Variants in SLC5A11 observed in about 807,000 individuals in gnomAD.
The protein encoded by SLC5A11 is solute carrier family 5 member 11.
SLC5A11 carries 48 observed loss-of-function variants against 69.8 expected under a neutral mutation model. The observed-to-expected ratio is 0.69, with a 90% confidence interval of 0.55 to 0.87. The LOEUF is 0.87. Among genes scored for constraint, SLC5A11 ranks in the 40% least tolerant of loss-of-function variants. SLC5A11 has a pLI of 0.00. For missense variants in SLC5A11, 784 were observed against 866.1 expected, an observed-to-expected ratio of 0.91 and a Z score of 1.19; for synonymous variants, 319 against 342.4, an observed-to-expected ratio of 0.93 and a Z score of 0.75.
chr16:24,850,856 G>A (rs1163003556), intron 1 of SLC5A11, among the ~76,000 whole-genome samples: 1 of 151,674 alleles, frequency 6.6e-6, no homozygotes, highest in Non-Finnish European at 1.5e-5. Flanking sequence ...TGTCACCCAG[G>A]CTAGAGTGCA....
At chr16:24,902,546 CTTTT>C (rs35191056) in intron 10 of SLC5A11, among the ~76,000 whole-genome samples, 8 of 130,238 alleles carry the variant, frequency 6.1e-5, no homozygotes, top group Non-Finnish European at 9.6e-5. Flanking sequence ...CCAATCAAGT[CTTTT>C]TTTTTTTTTT....
intron 7 of SLC5A11, among the ~76,000 whole-genome samples, chr16:24,883,388 T>C (rs1402934319): frequency 6.6e-6 from 1 of 151,898 alleles, no homozygotes; most frequent in East Asian, 1.9e-4. Context: ...AAATAAATAA[T>C]AAATAACTAA....
At chr16:24,900,651 G>A (rs982381452) in intron 10 of SLC5A11, among the ~76,000 whole-genome samples, 7 of 152,096 alleles carry the variant, frequency 4.6e-5, no homozygotes, top group African/African-American at 7.2e-5. Context: ...AGTGGCTCAC[G>A]CCTGTAATCC....
intron 6 of SLC5A11, 113 bp downstream of exon 7, chr16:24,875,844 G>A (rs1329442797): frequency 1.2e-6 from 1 of 844,772 alleles, no homozygotes. Flanking sequence ...TCTTTCATAG[G>A]CTGCAGGGAG....
intron 3 of SLC5A11, 62 bp downstream of exon 4, chr16:24,862,734 G>A: frequency 6.8e-7 from 1 of 1,476,920 alleles, no homozygotes; most frequent in Non-Finnish European, 9.4e-7. Context: ...CTGGGATTCT[G>A]TCCAGCCTTT....
intron 1 of SLC5A11, among the ~76,000 whole-genome samples, chr16:24,847,767 T>A (rs1384670813): frequency 1.3e-5 from 2 of 152,208 alleles, no homozygotes; most frequent in Non-Finnish European, 2.9e-5. Flanking sequence ...TGCTGTCCCT[T>A]TTTTGGGCGG....
chr16:24,887,003 G>A (rs1287223593), intron 8 of SLC5A11, among the ~76,000 whole-genome samples: 1 of 152,042 alleles, frequency 6.6e-6, no homozygotes, highest in Non-Finnish European at 1.5e-5. Context: ...AAAATGTAGT[G>A]AGCTAAAAAT....
At chr16:24,884,089 A>T (rs781601769) in exon 8 of SLC5A11, 1 of 1,614,078 alleles carries the variant, frequency 6.2e-7, no homozygotes, top group Admixed American at 1.7e-5. Context: ...TGCCCTGCAG[A>T]CGCTGATCAT....
Position 24,868,564 on chromosome 16 carries a change from A to T in SLC5A11, c.208-1337A>T, listed in dbSNP as rs2047067067. ...CGGTGAGCTGAGATCACACCACTGC[A>T]CTCCAGCCTGGGAGACAGCAAGACT... On this transcript the variant is annotated intron_variant, in intron 3 of 15. Transcript: ENST00000347898. Among the ~76,000 whole-genome samples the T allele has an allele frequency of 2.7e-5, 4 of 147,368 alleles. No homozygotes were observed. The South Asian group carries it at 8.9e-4, about 33-fold the overall frequency.
intron 2 of SLC5A11, 27 bp downstream of exon 3, chr16:24,858,805 G>GA: frequency 1.3e-6 from 2 of 1,599,810 alleles, no homozygotes; most frequent in Non-Finnish European, 1.7e-6. Context: ...GGGGATGGGG[G>GA]ATGAAGAGAG....
At chr16:24,861,826 T>G in intron 2 of SLC5A11, among the ~76,000 whole-genome samples, 1 of 123,376 alleles carries the variant, frequency 8.1e-6, no homozygotes, top group African/African-American at 3.9e-5. Context: ...AAGAAAAAAT[T>G]AATCACCAAT....
At chr16:24,853,836 G>A (rs1456831883) in intron 1 of SLC5A11, among the ~76,000 whole-genome samples, 1 of 152,196 alleles carries the variant, frequency 6.6e-6, no homozygotes, top group Non-Finnish European at 1.5e-5. Flanking sequence ...CAAGTGTTAG[G>A]GCCGATTCTC....
chr16:24,849,593 A>AATATATATAT (rs1555515955), intron 1 of SLC5A11, among the ~76,000 whole-genome samples: 79 of 35,850 alleles, frequency 2.2e-3, no homozygotes, highest in East Asian at 2.8e-3. Flanking sequence ...AAAAAAAAAA[A>AATATATATAT]ATATATATAT....
intron 2 of SLC5A11, 138 bp from the exon 4 acceptor site, chr16:24,862,463 G>A (rs1031454176): frequency 7.0e-6 from 4 of 568,382 alleles, no homozygotes; most frequent in Non-Finnish European, 1.2e-5. Flanking sequence ...CAAAACTCTG[G>A]GAGAAACAAA....
In SLC5A11 at chr16:24,890,876, C is replaced by T. The variant is rs553064506; in HGVS notation, c.672C>T (p.Ala224=). The T allele has an allele frequency of 1.3e-5, 21 of 1,614,014 alleles. No homozygotes were observed. The East Asian group carries it at 2.5e-4, about 19-fold the overall frequency. Residue 224 remains alanine (A), a synonymous_variant, in exon 9 of 16, where the codon GCC becomes GCT. Coordinates refer to ENST00000347898, the Ensembl canonical transcript of SLC5A11. The stretch of plus-strand genomic sequence containing the variant: ...GCTTCCTCTGAATTCTAGGTTTCGC[C>T]GCGGTTGGTGGGATGGAAGGACTGA...
At position 24,851,031 on chromosome 16, in the gene SLC5A11, G is replaced by A. The variant is rs190924296; in HGVS notation, c.-25+4593G>A. Reference sequence around the variant, plus strand: ...TCATCACGTTGGCCAGGCTGGTCTCGAACTCTGGACCTCAAGCAATCCACC... The same window carrying A: ...TCATCACGTTGGCCAGGCTGGTCTCAAACTCTGGACCTCAAGCAATCCACC... On this transcript the variant is annotated intron_variant, in intron 1 of 15. Transcript: ENST00000347898. Among the ~76,000 whole-genome samples, 113 of 151,438 alleles carry A rather than the reference G, an allele frequency of 7.5e-4. No homozygotes were observed. The South Asian group carries it at 0.011, about 15-fold the overall frequency.
At chr16:24,859,653 C>T (rs371749763) in intron 2 of SLC5A11, among the ~76,000 whole-genome samples, 1 of 152,094 alleles carries the variant, frequency 6.6e-6, no homozygotes, top group East Asian at 1.9e-4. Flanking sequence ...CAGAAGGTAG[C>T]TTATACTGTT....
At chr16:24,891,746 G>A (rs77853189) in intron 9 of SLC5A11, among the ~76,000 whole-genome samples, 19 of 152,194 alleles carry the variant, frequency 1.2e-4, no homozygotes, top group Admixed American at 4.6e-4. Context: ...TGTCCTCTAC[G>A]TACCAGGCAC....
At chr16:24,910,375 C>T (rs1236638875) in exon 15 of SLC5A11, 2 of 1,614,108 alleles carry the variant, frequency 1.2e-6, no homozygotes, top group Non-Finnish European at 1.7e-6. Context: ...ACCAGCAGCT[C>T]CCTTGTCTCT....
Sources: allele counts gnomAD v4.1 joint callset (sites outside exome capture counted in the v4.1 genomes callset), GRCh38; gene constraint gnomAD v4.1.1; transcripts MANE v1.5; gene names NCBI Gene and HGNC (gene_info 2026-07-23, HGNC 2026-07-21).